The following EHD4 variants were observed in gnomAD, a reference collection of about 807,000 sequenced individuals.
EHD4 encodes the protein EH domain-containing protein 4.
Under a neutral mutation model 51.0 loss-of-function variants are expected in EHD4, and 37 were observed. That is an observed-to-expected ratio of 0.73 (90% CI 0.56 to 0.95). EHD4 has a LOEUF of 0.95. EHD4 is among the 40% of genes least tolerant of loss of function. The probability of loss-of-function intolerance (pLI) is 0.00; values close to 1 mark genes in which losing one functional copy is unlikely to be tolerated. For missense variants in EHD4, 632 were observed against 733.1 expected, an observed-to-expected ratio of 0.86 and a Z score of 1.59; for synonymous variants, 297 against 317.3, an observed-to-expected ratio of 0.94 and a Z score of 0.68.
chr15:41,919,039 G>C (rs969308336), intron 4 of EHD4, among the ~76,000 whole-genome samples, 171 bp downstream of exon 4: 6 of 152,236 alleles, frequency 3.9e-5, no homozygotes, highest in Non-Finnish European at 5.9e-5. Context: ...TGCAGAGCCA[G>C]GAGCTAGGGT....
intron 2 of EHD4, among the ~76,000 whole-genome samples, chr15:41,946,316 C>T (rs971200185): frequency 3.9e-5 from 6 of 152,168 alleles, no homozygotes; most frequent in East Asian, 1.9e-4. Flanking sequence ...AGGCTGCCCC[C>T]TCAACTCCAT....
intron 1 of EHD4, among the ~76,000 whole-genome samples, chr15:41,965,278 TAAG>T (rs773313638): frequency 4.7e-4 from 72 of 152,208 alleles, no homozygotes; most frequent in Non-Finnish European, 9.6e-4. Flanking sequence ...TATAATGACA[TAAG>T]AAAATGCTCA....
At chr15:41,971,637 C>T (rs1013896425) in intron 1 of EHD4, among the ~76,000 whole-genome samples, 1 of 152,178 alleles carries the variant, frequency 6.6e-6, no homozygotes, top group African/African-American at 2.4e-5. Flanking sequence ...ATGACACTCC[C>T]CCTTAGTTCC....
At chr15:41,917,209 C>A (rs1419847265) in intron 4 of EHD4, among the ~76,000 whole-genome samples, 1 of 152,104 alleles carries the variant, frequency 6.6e-6, no homozygotes, top group South Asian at 2.1e-4. Flanking sequence ...CAACCTCCAC[C>A]TCCTGGGTTC....
intron 1 of EHD4, among the ~76,000 whole-genome samples, chr15:41,967,636 A>T (rs1454342450): frequency 1.3e-5 from 2 of 152,168 alleles, no homozygotes; most frequent in Non-Finnish European, 2.9e-5. Flanking sequence ...GTGAGATTTT[A>T]TTTTTTTAAA....
chr15:41,926,582 C>G (rs1046577608), intron 3 of EHD4, among the ~76,000 whole-genome samples: 6 of 152,200 alleles, frequency 3.9e-5, no homozygotes, highest in Non-Finnish European at 8.8e-5. Flanking sequence ...AGGTTCCAAC[C>G]TCACTAATCT....
intron 5 of EHD4, among the ~76,000 whole-genome samples, chr15:41,908,882 T>A (rs1414802491): frequency 6.6e-6 from 1 of 152,206 alleles, no homozygotes; most frequent in African/African-American, 2.4e-5. Flanking sequence ...ACTGTTTGCG[T>A]TACTGGGTGG....
At chr15:41,971,485 A>G (rs2067994802) in intron 1 of EHD4, among the ~76,000 whole-genome samples, 1 of 152,254 alleles carries the variant, frequency 6.6e-6, no homozygotes, top group African/African-American at 2.4e-5. Flanking sequence ...CTTCTTTTGA[A>G]ACTATATGAT....
intron 5 of EHD4, among the ~76,000 whole-genome samples, chr15:41,907,493 GA>G (rs926409675): frequency 6.6e-6 from 1 of 152,174 alleles, no homozygotes; most frequent in African/African-American, 2.4e-5. Context: ...ACTGCTGGAA[GA>G]AAAGAGACAT....
intron 3 of EHD4, among the ~76,000 whole-genome samples, chr15:41,924,387 T>C (rs2067647555): frequency 6.6e-6 from 1 of 152,226 alleles, no homozygotes; most frequent in Non-Finnish European, 1.5e-5. Flanking sequence ...TTCACCTCTC[T>C]GTGCCTCGTT....
At chr15:41,934,831 C>T (rs557003947) in intron 3 of EHD4, among the ~76,000 whole-genome samples, 2 of 152,328 alleles carry the variant, frequency 1.3e-5, no homozygotes, top group African/African-American at 2.4e-5. Flanking sequence ...CAACCAAACA[C>T]GCCCAGAGAA....
chr15:41,926,608 C>G (rs1005538097), intron 3 of EHD4, among the ~76,000 whole-genome samples: 1 of 152,222 alleles, frequency 6.6e-6, no homozygotes, highest in Non-Finnish European at 1.5e-5. Flanking sequence ...TCAGACGATC[C>G]CCATCCCTTC....
At chr15:41,924,588 G>A (rs1009608875) in intron 3 of EHD4, among the ~76,000 whole-genome samples, 1 of 152,200 alleles carries the variant, frequency 6.6e-6, no homozygotes, top group African/African-American at 2.4e-5. Context: ...CAGGGGGGAT[G>A]CAAGAAATAT....
intron 2 of EHD4, among the ~76,000 whole-genome samples, chr15:41,944,593 T>G (rs1404051265): frequency 6.6e-6 from 1 of 152,206 alleles, no homozygotes; most frequent in Non-Finnish European, 1.5e-5. Flanking sequence ...CTGAAGGGGC[T>G]TGGGATACGA....
At chr15:41,938,570 T>G (rs1396774190) in intron 3 of EHD4, among the ~76,000 whole-genome samples, 2 of 152,232 alleles carry the variant, frequency 1.3e-5, no homozygotes, top group Non-Finnish European at 2.9e-5. Flanking sequence ...AGCTTAAACA[T>G]CAGGAAAAGA....
intron 3 of EHD4, among the ~76,000 whole-genome samples, chr15:41,923,839 G>C (rs1433328595): frequency 1.3e-5 from 2 of 152,220 alleles, no homozygotes; most frequent in Non-Finnish European, 2.9e-5. Context: ...CTTATCTGAA[G>C]ACAGATTTTA....
chr15:41,923,095 T>A (rs139079089), intron 3 of EHD4, among the ~76,000 whole-genome samples: 1 of 152,198 alleles, frequency 6.6e-6, no homozygotes, highest in Non-Finnish European at 1.5e-5. Flanking sequence ...ATAAGTCACA[T>A]TGTCGTACAA....
chr15:41,947,934 C>G (rs1342285420), intron 2 of EHD4, among the ~76,000 whole-genome samples: 11 of 152,150 alleles, frequency 7.2e-5, no homozygotes, highest in Admixed American at 7.2e-4. Context: ...ATGTCAGGAC[C>G]AGAAATGTAC....
At chr15:41,955,351 A>G (rs181432043) in intron 1 of EHD4, among the ~76,000 whole-genome samples, 5 of 152,280 alleles carry the variant, frequency 3.3e-5, no homozygotes, top group Admixed American at 6.5e-5. Context: ...AGACTCCAGA[A>G]CTTGCACTGT....
Sources: gnomAD v4.1 joint callset for allele counts (sites outside exome capture counted in the v4.1 genomes callset) on GRCh38, gnomAD v4.1.1 for gene constraint, MANE v1.5 for transcripts, NCBI Gene and HGNC (gene_info 2026-07-23, HGNC 2026-07-21) for gene names.